Variants in TRPA1 observed in about 807,000 individuals in gnomAD.
TRPA1 encodes the protein transient receptor potential cation channel subfamily A member 1, also known as ankyrin-like with transmembrane domains 1.
Under a neutral mutation model 131.3 loss-of-function variants are expected in TRPA1, and 129 were observed. That is an observed-to-expected ratio of 0.98 (90% confidence interval 0.85 to 1.14). The LOEUF (loss-of-function observed/expected upper bound fraction) is 1.14. TRPA1 is among the 50% of genes most tolerant of loss of function. TRPA1 has a pLI of 0.00. For missense variants in TRPA1, 1,304 were observed against 1,354.2 expected (o/e 0.96, Z 0.58); for synonymous variants, 441 against 451.7 (o/e 0.98, Z 0.30).
chr8:72,046,031 C>T (rs1382058542), intron 17 of TRPA1, among the ~76,000 whole-genome samples: 6 of 151,970 alleles, frequency 3.9e-5, no homozygotes, highest in African/African-American at 1.4e-4. Flanking sequence ...GAAGCTGTGG[C>T]TGTGAAATAT....
chr8:72,063,529 A>AT lies in TRPA1; in HGVS notation c.594dup (p.Cys199MetfsTer24), dbSNP rs1563402123. On this transcript the variant is annotated frameshift_variant, in exon 5 of 27. Transcript: ENST00000262209. LOFTEE classifies it high-confidence loss of function. ...AATGCAGCTTGGTGAATAGGGAAAC[A>AT]TCCCCATTTATTTGATTTACATGGC... is the stretch of plus-strand genomic sequence containing the variant. The AT allele has an allele frequency of 6.2e-7, 1 of 1,613,856 alleles. No individual in the cohort carries two copies. The highest frequency in any genetic ancestry group is 8.5e-7 in the Non-Finnish European group (1 of 1,179,828).
intron 21 of TRPA1, among the ~76,000 whole-genome samples, chr8:72,035,711 C>T (rs1812011771): frequency 6.6e-6 from 1 of 151,958 alleles, no homozygotes; most frequent in South Asian, 2.1e-4. Context: ...CCATACTATC[C>T]ATCAGTTCAT....
At chr8:72,030,118 T>C (rs1339199288) in intron 23 of TRPA1, 149 bp from the exon 24 acceptor site, 1 of 804,484 alleles carries the variant, frequency 1.2e-6, no homozygotes, top group Non-Finnish European at 2.1e-6. Flanking sequence ...CTTATGGTTC[T>C]GCAGGCTGGG....
In TRPA1 at chr8:72,056,934, G is replaced by A. The variant is rs372339709; in HGVS notation, c.1177C>T (p.Arg393Ter). The A allele has an allele frequency of 8.8e-5, 141 of 1,607,928 alleles. 2 individuals carry two copies. In the South Asian group the frequency reaches 1.0e-3, roughly 12 times the overall value. The change falls in exon 10 of 27, where the codon CGA (arginine) becomes TGA (stop). Residue 393 changes from arginine (R) to a stop codon, truncating the protein, a stop_gained. Transcript: ENST00000262209. LOFTEE classifies it high-confidence loss of function. ...TACATTACCTGCATAAATTCAGGTC[G>A]CAGATTTTTTAATCCATAAGGTTGC... ...VQQPYGLKNL[R>*]PEFMQMQQIK...
intron 15 of TRPA1, among the ~76,000 whole-genome samples, chr8:72,047,472 A>G (rs765331088): frequency 6.6e-6 from 1 of 152,108 alleles, no homozygotes; most frequent in Non-Finnish European, 1.5e-5. Context: ...ACTAAAATCT[A>G]GGCAAGAGAT....
intron 2 of TRPA1, among the ~76,000 whole-genome samples, chr8:72,070,024 C>T (rs1367613459): frequency 6.6e-6 from 1 of 152,124 alleles, no homozygotes; most frequent in Non-Finnish European, 1.5e-5. Flanking sequence ...TCTGCAATAC[C>T]ATATATGGTA....
chr8:72,075,433 G>T lies in TRPA1; in HGVS notation c.-24C>A, dbSNP rs767155706. The T allele has an allele frequency of 1.3e-6, 2 of 1,574,440 alleles. No individual in the cohort carries two copies. Among genetic ancestry groups the T allele is most frequent in the South Asian group, 2.2e-5 (2 of 90,450 alleles). On this transcript the variant is annotated 5_prime_UTR_variant, in exon 1 of 27. Coordinates refer to ENST00000262209, the MANE Select transcript of TRPA1 (RefSeq NM_007332.3). ...ATTGACCCCACCCCGGACGCCACCT[G>T]GTGCAGCTGCTCACCACGCGCGCGG...
intron 1 of TRPA1, 81 bp downstream of exon 1, chr8:72,075,218 A>G (rs958583726): frequency 6.3e-6 from 7 of 1,115,284 alleles, no homozygotes; most frequent in Non-Finnish European, 9.5e-6. Flanking sequence ...TCTCCAAACC[A>G]AGGGCTGCCC....
chr8:72,071,260 C>T (rs900472244), intron 2 of TRPA1, among the ~76,000 whole-genome samples: 5 of 152,188 alleles, frequency 3.3e-5, no homozygotes, highest in African/African-American at 1.2e-4. Flanking sequence ...ATCTCTGTGG[C>T]ATCCACCTCC....
At chr8:72,049,935 TA>T (rs201573292) in intron 15 of TRPA1, among the ~76,000 whole-genome samples, 3 of 108,700 alleles carry the variant, frequency 2.8e-5, no homozygotes, top group Non-Finnish European at 5.9e-5. Context: ...CATTTTATTT[TA>T]TTTTTTTTTT....
the TRPA1 span, among the ~76,000 whole-genome samples, chr8:72,084,842 A>G: frequency 0.038 from 5,774 of 151,496 alleles, 367 homozygotes; most frequent in African/African-American, 0.13. Context: ...AGGAGAGACG[A>G]GGTTTCATTC....
At chr8:72,072,574 G>A (rs538672642) in intron 1 of TRPA1, among the ~76,000 whole-genome samples, 1 of 152,244 alleles carries the variant, frequency 6.6e-6, no homozygotes, top group South Asian at 2.1e-4. Context: ...ATGACAATGA[G>A]CATCCAACCA....
chr8:72,059,262 T>G, intron 8 of TRPA1, 128 bp downstream of exon 8: 1 of 653,198 alleles, frequency 1.5e-6, no homozygotes, highest in Non-Finnish European at 2.7e-6. Flanking sequence ...AATCATCATT[T>G]TGTATACTTT....
intron 3 of TRPA1, among the ~76,000 whole-genome samples, chr8:72,068,745 ATTAC>A (rs2129436548): frequency 6.6e-6 from 1 of 152,350 alleles, no homozygotes. Flanking sequence ...TACTAGTGGA[ATTAC>A]TTCATAGTGG....
chr8:72,024,187 G>C (rs2129432353), intron 25 of TRPA1, among the ~76,000 whole-genome samples: 1 of 152,246 alleles, frequency 6.6e-6, no homozygotes, highest in South Asian at 2.1e-4. Context: ...TAGCTGAATT[G>C]TTCTATATAT....
Position 72,062,934 on chromosome 8 carries a change from A to G in TRPA1, c.672T>C (p.His224=). The G allele has an allele frequency of 1.2e-6, 2 of 1,613,870 alleles. No homozygotes were observed. The highest frequency in any genetic ancestry group is 1.7e-6 in the Non-Finnish European group (2 of 1,179,886). The change falls in exon 6 of 27, where the codon CAT becomes CAC. Residue 224 remains histidine (H), a synonymous_variant. Transcript: ENST00000262209. The part of the protein sequence containing the change: ...MEIILRFGEE[H]GYSRQLHINF... Reference sequence around the variant, plus strand: ...TAATGTGCAACTGTCTACTGTACCCATGCTCTTCACCTTGAGAAGAAAATA... The same window carrying G: ...TAATGTGCAACTGTCTACTGTACCCGTGCTCTTCACCTTGAGAAGAAAATA...
chr8:72,082,027 G>T, the TRPA1 span, among the ~76,000 whole-genome samples: 1 of 151,426 alleles, frequency 6.6e-6, no homozygotes, highest in African/African-American at 2.4e-5. Flanking sequence ...TTGTTTGTTT[G>T]TATCACATAT....
chr8:72,034,918 G>C (rs940313425), intron 21 of TRPA1, among the ~76,000 whole-genome samples: 2 of 152,168 alleles, frequency 1.3e-5, no homozygotes, highest in Non-Finnish European at 2.9e-5. Flanking sequence ...AAAAATAATA[G>C]CTTCTCAATA....
Position 72,065,433 on chromosome 8 carries a change from T to C in TRPA1, c.552+18A>G. ...TGAAAAGATAAAGAAAGCAGACAGA[T>C]ATGACAAATATACAAACCAAAATCT... On this transcript the variant is annotated intron_variant, in intron 4 of 26. Transcript: ENST00000262209. The C allele has an allele frequency of 1.3e-6, 2 of 1,565,750 alleles. No homozygotes were observed. The highest frequency in any genetic ancestry group is 1.1e-5 in the South Asian group (1 of 89,908).
Sources: allele counts gnomAD v4.1 joint callset (sites outside exome capture counted in the v4.1 genomes callset), GRCh38; gene constraint gnomAD v4.1.1; transcripts MANE v1.5; gene names NCBI Gene and HGNC (gene_info 2026-07-23, HGNC 2026-07-21).